PACRG: variants seen among roughly 807,000 people sequenced by gnomAD.
PACRG encodes the protein parkin coregulated.
A neutral mutation model predicts 29.7 loss-of-function variants in PACRG; 29 were observed. The ratio of observed to expected loss-of-function variants is 0.98; its 90% CI spans 0.73 to 1.33. The LOEUF is 1.33. Among genes scored for constraint, PACRG ranks in the 40% most tolerant of loss-of-function variants. PACRG has a pLI of 0.00. For missense variants in PACRG, 279 were observed against 316.2 expected (o/e 0.88, Z 0.89); for synonymous variants, 116 against 118.7 (o/e 0.98, Z 0.15).
intron 2 of PACRG, among the ~76,000 whole-genome samples, chr6:163,023,328 T>C (rs1365381408): frequency 6.6e-6 from 1 of 152,210 alleles, no homozygotes; most frequent in Non-Finnish European, 1.5e-5. Context: ...ATGCAGTATT[T>C]GGTTTTCTGT....
intron 4 of PACRG, among the ~76,000 whole-genome samples, chr6:163,153,474 G>C (rs186742458): frequency 6.6e-6 from 1 of 152,138 alleles, no homozygotes; most frequent in Non-Finnish European, 1.5e-5. Context: ...GCAATATTAG[G>C]TAATATATTT....
rs1025524953 is a variant in PACRG at position 162,853,430 on chromosome 6, C to G, written c.291+39149C>G. Among the ~76,000 whole-genome samples the G allele has an allele frequency of 6.6e-6, 1 of 152,194 alleles. No homozygotes were observed. The highest frequency in any genetic ancestry group is 1.5e-5 in the Non-Finnish European group (1 of 68,036). On this transcript the variant is annotated intron_variant, in intron 2 of 4. Transcript: ENST00000366888. This position sits in a 1 kb window ranked among gnomAD's most constrained non-coding sequence, Gnocchi z 4.7. ...TACCATTATGTGTTACTATCAGCCT[C>G]GAATCATCCTTTCTTATTATTTTAT...
chr6:162,983,599 G>T (rs1051997802), intron 2 of PACRG, among the ~76,000 whole-genome samples: 6 of 151,982 alleles, frequency 3.9e-5, no homozygotes, highest in Non-Finnish European at 7.4e-5. Flanking sequence ...ATTCTTGGCT[G>T]ATAATTATTT....
intron 1 of PACRG, among the ~76,000 whole-genome samples, chr6:162,760,148 G>A (rs1202280554): frequency 2.0e-5 from 3 of 152,150 alleles, no homozygotes; most frequent in East Asian, 1.9e-4. Flanking sequence ...CTCCAAGTGC[G>A]GTGTATGACT....
intron 1 of PACRG, among the ~76,000 whole-genome samples, chr6:162,809,894 G>C (rs556139648): frequency 6.6e-6 from 1 of 152,254 alleles, no homozygotes; most frequent in African/African-American, 2.4e-5. Context: ...ATAGTAAAGA[G>C]GCCCCAACAT....
chr6:163,064,349 G>A (rs1156848101), intron 3 of PACRG, among the ~76,000 whole-genome samples: 1 of 152,200 alleles, frequency 6.6e-6, no homozygotes, highest in African/African-American at 2.4e-5. Flanking sequence ...GTACACACAT[G>A]CTAGAGGTCA....
At chr6:162,787,578 GTGTGTATA>G (rs1390548710) in intron 1 of PACRG, among the ~76,000 whole-genome samples, 47 of 51,446 alleles carry the variant, frequency 9.1e-4, no homozygotes, top group African/African-American at 4.2e-3. Context: ...GTGTGTGTGT[GTGTGTATA>G]TATATATATA....
Position 162,882,898 on chromosome 6 carries a change from G to C in PACRG, c.291+68617G>C, listed in dbSNP as rs112610424. Reference sequence around the variant, plus strand: ...CCCAAACCTTCAGAAACCCTGACTAGATCATTTTGAAGATGGGGCATTAGC... The same window carrying C: ...CCCAAACCTTCAGAAACCCTGACTACATCATTTTGAAGATGGGGCATTAGC... On this transcript the variant is annotated intron_variant, in intron 2 of 4. Coordinates refer to ENST00000366888, the MANE Select transcript of PACRG (RefSeq NM_001080379.2). 5.9e-5 allele frequency among the ~76,000 whole-genome samples: 9 copies of C among 152,292 alleles called. No homozygotes were observed. The South Asian group carries it at 1.9e-3, about 32-fold the overall frequency.
intron 2 of PACRG, chr6:163,046,491 A>G (rs1377782694): frequency 6.6e-6 from 1 of 151,882 alleles, no homozygotes; most frequent in Non-Finnish European, 1.5e-5. Context: ...ATTAGGTATC[A>G]TTTTGCAAAT....
In PACRG at chr6:163,138,273, G is replaced by A. The variant is rs1817017476; in HGVS notation, c.613+48865G>A. On this transcript the variant is annotated intron_variant, in intron 4 of 4. Coordinates refer to ENST00000366888, the MANE Select transcript of PACRG (RefSeq NM_001080379.2). Reference sequence around the variant, plus strand: ...TTTCTAACTTAAGAACCAGAACAACGGTCACAAATGGGCTCCTGAAGAATG... The same window carrying A: ...TTTCTAACTTAAGAACCAGAACAACAGTCACAAATGGGCTCCTGAAGAATG... Among the ~76,000 whole-genome samples the A allele has an allele frequency of 4.6e-5, 7 of 152,158 alleles. No homozygotes were observed. The South Asian group carries it at 1.5e-3, about 32-fold the overall frequency.
At chr6:162,854,749 C>CT (rs1562666859) in intron 2 of PACRG, among the ~76,000 whole-genome samples, 1 of 152,166 alleles carries the variant, frequency 6.6e-6, no homozygotes, top group African/African-American at 2.4e-5. Flanking sequence ...GCTAGGCCTA[C>CT]TATGAATTGT....
chr6:163,056,986 C>G (rs1044684235), intron 2 of PACRG, among the ~76,000 whole-genome samples: 4 of 152,164 alleles, frequency 2.6e-5, no homozygotes, highest in Admixed American at 6.5e-5. Flanking sequence ...GCTGTTGAAG[C>G]ACCTCTAGTC....
chr6:162,822,016 T>C (rs1386536725), intron 2 of PACRG, among the ~76,000 whole-genome samples: 1 of 152,244 alleles, frequency 6.6e-6, no homozygotes, highest in African/African-American at 2.4e-5. Context: ...TGTTGTCTTT[T>C]TTCTACATGT....
At chr6:162,727,794 C>G (rs1477383123), upstream of PACRG, 2 of 1,021,390 alleles carry the variant, frequency 2.0e-6, no homozygotes, top group Non-Finnish European at 2.9e-6. Context: ...CGCGCCCGGC[C>G]CTAGGAATGC....
chr6:162,985,277 C>G (rs1351546671), intron 2 of PACRG, among the ~76,000 whole-genome samples: 1 of 151,882 alleles, frequency 6.6e-6, no homozygotes, highest in Non-Finnish European at 1.5e-5. Context: ...GACCAATATC[C>G]CTGATGAACA....
chr6:163,253,629 C>A (rs1016251112), intron 4 of PACRG, among the ~76,000 whole-genome samples: 2 of 152,108 alleles, frequency 1.3e-5, no homozygotes, highest in Non-Finnish European at 2.9e-5. Context: ...GTCAAATCTA[C>A]CCTAGAAAGA....
rs1584205243 is a variant in PACRG at position 162,743,189 on chromosome 6, G to A, written c.156+14798G>A. On this transcript the variant is annotated intron_variant, in intron 1 of 4. Transcript: ENST00000366888. ...TCTTATTTTGACAAATGTCTATTCA[G>A]TCCCTTTGCCCACTTTAAAAAATTT... 2.6e-5 allele frequency among the ~76,000 whole-genome samples: 4 copies of A among 152,170 alleles called. 1 individual carries two copies. In the South Asian group the frequency reaches 8.3e-4, roughly 32 times the overall value.
In PACRG at chr6:162,747,325, CATATATATATAT is replaced by C. The variant is rs1190146053; in HGVS notation, c.156+18962_156+18973del. ...GGAACTCAGACTGGCTCTCCTTGCTCATATATATATATATATATATATATATATATATATATA... is the reference window on the plus strand; with the variant it reads ...GGAACTCAGACTGGCTCTCCTTGCTCATATATATATATATATATATATATA... On this transcript the variant is annotated intron_variant, in intron 1 of 4. Coordinates refer to ENST00000366888, the MANE Select transcript of PACRG (RefSeq NM_001080379.2). Among the ~76,000 whole-genome samples, 69 of 33,234 alleles carry C rather than the reference CATATATATATAT, an allele frequency of 2.1e-3. 2 individuals carry two copies. The South Asian group carries it at 0.042, about 20-fold the overall frequency. 21.8% of individuals were successfully genotyped at this position (33,234 alleles called of 152,430 possible). A position where few individuals can be genotyped will look rare whatever the true frequency, so the allele number is the denominator to read the frequency against.
chr6:162,728,134 T>C lies in PACRG; in HGVS notation c.-102T>C. On this transcript the variant is annotated 5_prime_UTR_variant, in exon 1 of 5. Coordinates refer to ENST00000366888, the MANE Select transcript of PACRG (RefSeq NM_001080379.2). The stretch of plus-strand genomic sequence containing the variant: ...ACGAGGGGTTGAATTTCTACCATTA[T>C]CGCGCCTTTTGATATTTTTTTCCAG... 2.2e-6 allele frequency: 3 copies of C among 1,368,530 alleles called. No individual in the cohort carries two copies. In the South Asian group the frequency reaches 4.1e-5, roughly 18 times the overall value. The allele number at this position is 1,368,530 out of a possible 1,614,324, so 84.8% of individuals were successfully genotyped here.
Sources: gnomAD v4.1 joint callset for allele counts (sites outside exome capture counted in the v4.1 genomes callset) on GRCh38, gnomAD v4.1.1 for gene constraint, Gnocchi (gnomAD v3.1) non-coding constraint, MANE v1.5 for transcripts, NCBI Gene and HGNC (gene_info 2026-07-23, HGNC 2026-07-21) for gene names.